AQP11: variants seen among roughly 807,000 people sequenced by gnomAD.
AQP11 encodes the protein aquaporin 11, also known as aquaporin-11.
In AQP11, 20 loss-of-function variants were observed where a neutral mutation model predicts 21.1. The ratio of observed to expected loss-of-function variants is 0.95; its 90% CI spans 0.67 to 1.38. The LOEUF (loss-of-function observed/expected upper bound fraction) is 1.38. Ranked by LOEUF, AQP11 falls within the 40% of genes most tolerant of loss-of-function variation. The pLI is 0.00. For synonymous variants in AQP11, 167 were observed against 150.1 expected (o/e 1.11, Z -0.82); for missense variants, 339 against 340.4 (o/e 1.00, Z 0.03).
At position 77,609,930 on chromosome 11, in the gene AQP11, C is replaced by T. The variant is rs535722156; in HGVS notation, c.*553C>T. The T allele has an allele frequency of 6.6e-6, 1 of 152,302 alleles. No homozygotes were observed. The highest frequency in any genetic ancestry group is 2.1e-4 in the South Asian group (1 of 4,826). The allele number at this position is 152,302 out of a possible 1,614,324, so 9.4% of individuals were successfully genotyped here. On this transcript the variant is annotated 3_prime_UTR_variant, in exon 3 of 3. Coordinates refer to ENST00000313578, the MANE Select transcript of AQP11 (RefSeq NM_173039.3). ...CAAGCGATTTCCTACATTTTAAGTACATTAAAATCTAATACCTAAAATAGT... is the reference window on the plus strand; with the variant it reads ...CAAGCGATTTCCTACATTTTAAGTATATTAAAATCTAATACCTAAAATAGT...
chr11:77,604,596 AT>A (rs1164282702), intron 2 of AQP11, among the ~76,000 whole-genome samples: 2 of 152,046 alleles, frequency 1.3e-5, no homozygotes, highest in East Asian at 3.9e-4. Context: ...CTTGTTAGTC[AT>A]TTTCTTTAAA....
At chr11:77,602,048 GACA>G (rs1163442765) in intron 1 of AQP11, among the ~76,000 whole-genome samples, 2 of 152,246 alleles carry the variant, frequency 1.3e-5, no homozygotes, top group Admixed American at 6.5e-5. Context: ...AGGGAAAGTA[GACA>G]ACGTCTTGCT....
chr11:77,591,416 T>C, intron 1 of AQP11: 3 of 677,732 alleles, frequency 4.4e-6, no homozygotes, highest in Non-Finnish European at 5.5e-6. Context: ...AGAATATCTT[T>C]ATTGGGACTA....
At chr11:77,596,420 AAC>A (rs1958779179) in intron 1 of AQP11, among the ~76,000 whole-genome samples, 1 of 144,074 alleles carries the variant, frequency 6.9e-6, no homozygotes, top group African/African-American at 2.6e-5. Context: ...CAGCCTGGGC[AAC>A]AGAGCGAGAC....
At chr11:77,596,537 AATATATATATATATATAT>A (rs529433093) in intron 1 of AQP11, among the ~76,000 whole-genome samples, 2 of 86,576 alleles carry the variant, frequency 2.3e-5, no homozygotes, top group Non-Finnish European at 4.6e-5. Flanking sequence ...TATATATGTA[AATATATATATATATATAT>A]ATATATATGT....
Position 77,590,099 on chromosome 11 carries a change from G to C in AQP11, c.107G>C (p.Arg36Pro), listed in dbSNP as rs746740134. ...ATGGGGCTGGCCCGCGTAGTCGCCC[G>C]GCAGCAGCTGCACAGGCCGGTGGCC... ...LLMGLARVVA[R>P]QQLHRPVAHA... is the part of the protein sequence containing the mutation. Residue 36 changes from arginine to proline, a missense_variant, in exon 1 of 3, where the codon CGG (arginine) becomes CCG (proline). By Grantham distance (103) the Arg-to-Pro change is moderately radical. Coordinates refer to ENST00000313578, the MANE Select transcript of AQP11 (RefSeq NM_173039.3). The C allele has an allele frequency of 6.2e-7, 1 of 1,607,000 alleles. No individual in the cohort carries two copies. Among genetic ancestry groups the C allele is most frequent in the Non-Finnish European group, 8.5e-7 (1 of 1,179,460 alleles).
Position 77,590,343 on chromosome 11 carries a change from T to TA in AQP11, c.351_352insA (p.Ala118SerfsTer10). 1 of 1,597,774 alleles carries TA rather than the reference T, an allele frequency of 6.3e-7. No individual in the cohort carries two copies. The highest frequency in any genetic ancestry group is 8.5e-7 in the Non-Finnish European group (1 of 1,170,318). On this transcript the variant is annotated frameshift_variant, in exon 1 of 3. Transcript: ENST00000313578. LOFTEE classifies it high-confidence loss of function. Reference sequence around the variant, plus strand: ...TGGGGGGCATGTCCCCCGAGACGGGTGCGGTGAGGCTATTGGCTCAGCTGG... The same window carrying TA: ...TGGGGGGCATGTCCCCCGAGACGGGTAGCGGTGAGGCTATTGGCTCAGCTGG...
At chr11:77,593,023 T>C (rs1958757967) in intron 1 of AQP11, among the ~76,000 whole-genome samples, 1 of 152,224 alleles carries the variant, frequency 6.6e-6, no homozygotes, top group Non-Finnish European at 1.5e-5. Context: ...TGCAATTCAG[T>C]AGCCACTAGC....
Position 77,596,123 on chromosome 11 carries a change from C to T in AQP11, c.619+5512C>T, listed in dbSNP as rs573284914. Among the ~76,000 whole-genome samples the T allele has an allele frequency of 4.1e-4, 63 of 152,040 alleles. 1 individual carries two copies. The South Asian group carries it at 0.012, about 28-fold the overall frequency. ...CCTATAATCCCAGCACTTTGGGAGA[C>T]GGAGGCGGGCGGATCACCTGAGTTC... is the stretch of plus-strand genomic sequence containing the variant. On this transcript the variant is annotated intron_variant, in intron 1 of 2. Transcript: ENST00000313578.
intron 1 of AQP11, among the ~76,000 whole-genome samples, chr11:77,596,435 T>C (rs535344316): frequency 8.2e-5 from 9 of 110,184 alleles, no homozygotes; most frequent in African/African-American, 3.0e-4. Flanking sequence ...AGCGAGACTA[T>C]GTCTCAATTA....
chr11:77,595,885 G>A (rs1400523814), intron 1 of AQP11, among the ~76,000 whole-genome samples: 3 of 151,946 alleles, frequency 2.0e-5, no homozygotes, highest in Middle Eastern at 3.2e-3. Context: ...CCCTGGAGGC[G>A]GAGGTTGCTG....
intron 2 of AQP11, among the ~76,000 whole-genome samples, chr11:77,606,695 G>A (rs1419851715): frequency 1.3e-5 from 2 of 152,088 alleles, no homozygotes; most frequent in Non-Finnish European, 2.9e-5. Context: ...ACTGGCGTAT[G>A]CCCCCACACC....
In AQP11 at chr11:77,593,660, C is replaced by CA. The variant is rs200329972; in HGVS notation, c.619+3058dup. Among the ~76,000 whole-genome samples the CA allele has an allele frequency of 2.0e-3, 291 of 149,084 alleles. 2 individuals carry two copies. The highest frequency in any genetic ancestry group is 6.2e-3 in the African/African-American group (254 of 40,656). On this transcript the variant is annotated intron_variant, in intron 1 of 2. Coordinates refer to ENST00000313578, the MANE Select transcript of AQP11 (RefSeq NM_173039.3). ...ACTCCGTCTCAAAAAAAAACAAAAA[C>CA]AAAAAAAAACAACCCATCGATGAAT... is the stretch of plus-strand genomic sequence containing the variant.
intron 1 of AQP11, among the ~76,000 whole-genome samples, chr11:77,600,206 C>T (rs1454157377): frequency 4.6e-5 from 7 of 150,718 alleles, no homozygotes; most frequent in Non-Finnish European, 8.8e-5. Flanking sequence ...TGAGCTCAGG[C>T]GATACACCCA....
chr11:77,606,584 G>T (rs1276063898), intron 2 of AQP11, among the ~76,000 whole-genome samples: 2 of 152,106 alleles, frequency 1.3e-5, no homozygotes, highest in African/African-American at 4.8e-5. Flanking sequence ...TGGTCTGGCT[G>T]TGTCACCCAG....
chr11:77,607,284 A>G (rs931676580), intron 2 of AQP11, among the ~76,000 whole-genome samples: 3 of 152,224 alleles, frequency 2.0e-5, no homozygotes, highest in Non-Finnish European at 4.4e-5. Context: ...AAAATAAATT[A>G]TAAATTAAAA....
chr11:77,591,530 T>C (rs1958747847), intron 1 of AQP11, among the ~76,000 whole-genome samples: 1 of 152,192 alleles, frequency 6.6e-6, no homozygotes, highest in South Asian at 2.1e-4. Flanking sequence ...GAAGCAAACT[T>C]CAAGATAAGG....
chr11:77,593,505 C>T (rs575370987), intron 1 of AQP11, among the ~76,000 whole-genome samples: 17 of 152,022 alleles, frequency 1.1e-4, no homozygotes, highest in Admixed American at 5.9e-4. Flanking sequence ...GGCATGGTGG[C>T]GGGTGCCTGT....
intron 1 of AQP11, among the ~76,000 whole-genome samples, chr11:77,593,270 A>T (rs1039716569): frequency 6.6e-6 from 1 of 152,232 alleles, no homozygotes; most frequent in Admixed American, 6.5e-5. Flanking sequence ...AGATAAGAAT[A>T]TTCAGTTGTC....
Sources: allele counts gnomAD v4.1 joint callset (sites outside exome capture counted in the v4.1 genomes callset), GRCh38; gene constraint gnomAD v4.1.1; transcripts MANE v1.5; gene names NCBI Gene and HGNC (gene_info 2026-07-23, HGNC 2026-07-21).